The following ATN1 variants were observed in gnomAD, a reference collection of about 807,000 sequenced individuals.
ATN1 encodes the protein atrophin 1.
Under a neutral mutation model 85.8 loss-of-function variants are expected in ATN1, and 19 were observed. That is an observed-to-expected ratio of 0.22 (90% CI 0.15 to 0.32). ATN1 has a LOEUF of 0.32. Ranked by LOEUF, ATN1 falls within the 10% of genes least tolerant of loss-of-function variation. The pLI is 1.00. For missense variants in ATN1, 1,453 were observed against 1,564.5 expected, an observed-to-expected ratio of 0.93 and a Z score of 1.20; for synonymous variants, 674 against 657.0, an observed-to-expected ratio of 1.03 and a Z score of -0.39.
Position 6,933,915 on chromosome 12 carries a change from C to G in ATN1, c.-87C>G, listed in dbSNP as rs1195184893. The G allele has an allele frequency of 6.6e-7, 1 of 1,520,832 alleles. No homozygotes were observed. The highest frequency in any genetic ancestry group is 9.0e-7 in the Non-Finnish European group (1 of 1,116,938). The allele number at this position is 1,520,832 out of a possible 1,614,324, so 94.2% of individuals were successfully genotyped here. A position where few individuals can be genotyped will look rare whatever the true frequency, so the allele number is the denominator to read the frequency against. On this transcript the variant is annotated 5_prime_UTR_variant, in exon 2 of 10. Coordinates refer to ENST00000396684, the MANE Select transcript of ATN1 (RefSeq NM_001940.4). Reference sequence around the variant, plus strand: ...CTTGGAGATCCTGCTTCCCAGACCACAGCTGTGGGGAACTTGGGGTGGAGC... The same window carrying G: ...CTTGGAGATCCTGCTTCCCAGACCAGAGCTGTGGGGAACTTGGGGTGGAGC...
intron 1 of ATN1, among the ~76,000 whole-genome samples, chr12:6,930,113 T>C (rs1555142928): frequency 6.6e-6 from 1 of 152,242 alleles, no homozygotes; most frequent in Non-Finnish European, 1.5e-5. Flanking sequence ...TCTGTGACCT[T>C]GGGCAAGTCA....
Position 6,941,632 on chromosome 12 carries a change from A to G in ATN1, c.3539+78A>G. On this transcript the variant is annotated intron_variant, in intron 9 of 9. Coordinates refer to ENST00000396684, the MANE Select transcript of ATN1 (RefSeq NM_001940.4). This position sits in a 1 kb window ranked among gnomAD's most constrained non-coding sequence, Gnocchi z 5.9. ...AGCTGTGGGCATGGTACGGCTGGGC[A>G]CCGTGCTCCTGGGGGAGGGAACCCC... 6.3e-7 allele frequency: 1 copy of G among 1,598,604 alleles called. No homozygotes were observed.
At position 6,928,590 on chromosome 12, in the gene ATN1, G is replaced by A. The variant is rs985622983; in HGVS notation, c.-163+206G>A. Among the ~76,000 whole-genome samples, 6 of 152,340 alleles carry A rather than the reference G, an allele frequency of 3.9e-5. No homozygotes were observed. In the South Asian group the frequency reaches 1.2e-3, roughly 32 times the overall value. On this transcript the variant is annotated intron_variant, in intron 1 of 9. Coordinates refer to ENST00000396684, the MANE Select transcript of ATN1 (RefSeq NM_001940.4). ...CAGGGGGTGGGGCCCGCCGAGGAGA[G>A]TCGGGGGCCAGGGTTTCGGGAGGAT...
Position 6,937,568 on chromosome 12 carries a change from G to T in ATN1, c.2294+7G>T. ...ATGCCAGTCAGTCTGCCAGGTGAGC[G>T]GCCAGGTGGGGCGGAGGTGGGCCTG... is the stretch of plus-strand genomic sequence containing the variant. On this transcript the variant is annotated splice_region_variant and intron_variant, in intron 5 of 9. Coordinates refer to ENST00000396684, the MANE Select transcript of ATN1 (RefSeq NM_001940.4). This position sits in a 1 kb window ranked among gnomAD's most constrained non-coding sequence, Gnocchi z 6.0. 1.3e-6 allele frequency: 2 copies of T among 1,485,638 alleles called. No homozygotes were observed. The allele number at this position is 1,485,638 out of a possible 1,614,324, so 92.0% of individuals were successfully genotyped here.
Position 6,933,923 on chromosome 12 carries a change from G to A in ATN1, c.-79G>A, listed in dbSNP as rs782227706. ...TCCTGCTTCCCAGACCACAGCTGTG[G>A]GGAACTTGGGGTGGAGCAGAGAAGT... On this transcript the variant is annotated 5_prime_UTR_variant, in exon 2 of 10. Transcript: ENST00000396684. 4.6e-6 allele frequency: 7 copies of A among 1,538,404 alleles called. No individual in the cohort carries two copies. The highest frequency in any genetic ancestry group is 5.3e-6 in the Non-Finnish European group (6 of 1,131,690).
chr12:6,935,555 C>A lies in ATN1; in HGVS notation c.288C>A (p.Leu96=). Residue 96 remains leucine, a synonymous_variant, in exon 5 of 10, where the codon CTC becomes CTA. Coordinates refer to ENST00000396684, the MANE Select transcript of ATN1 (RefSeq NM_001940.4). This position sits in a 1 kb window ranked among gnomAD's most constrained non-coding sequence, Gnocchi z 5.3. The stretch of plus-strand genomic sequence containing the variant: ...TCTTCCCTTTTCTACAGCAGGAACT[C>A]CCTCGGCCACAGTCTCCCTCCGATC... ...APKKTKTEQE[L]PRPQSPSDLD... is the part of the protein sequence containing the mutation. 6.2e-7 allele frequency: 1 copy of A among 1,609,428 alleles called. No homozygotes were observed. Among genetic ancestry groups the A allele is most frequent in the Non-Finnish European group, 8.5e-7 (1 of 1,176,326 alleles).
Position 6,938,993 on chromosome 12 carries a change from C to T in ATN1, c.3030C>T (p.Ala1010=). The part of the protein sequence containing the change: ...RERLALAAGP[A]LRPDMSYAER... ...GTCTAGCGCTGGCAGCTGGGCCAGC[C>T]CTGCGGCCTGACATGTCCTATGCTG... The change falls in exon 7 of 10, where the codon GCC becomes GCT. Residue 1010 remains alanine, a synonymous_variant. Transcript: ENST00000396684. The T allele has an allele frequency of 6.2e-7, 1 of 1,612,838 alleles. No individual in the cohort carries two copies. The highest frequency in any genetic ancestry group is 8.5e-7 in the Non-Finnish European group (1 of 1,179,988).
At position 6,938,826 on chromosome 12, in the gene ATN1, A is replaced by G. The variant is rs1464013715; in HGVS notation, c.2863A>G (p.Ser955Gly). The change falls in exon 7 of 10, where the codon AGT (serine) becomes GGT (glycine). Residue 955 changes from serine to glycine, a missense_variant. Coordinates refer to ENST00000396684, the MANE Select transcript of ATN1 (RefSeq NM_001940.4). ...CAAGCCTGGCTTTGAGGTGAAGCCTAGTGAGCTGGAACCCCTACATGGGGT... is the reference window on the plus strand; with the variant it reads ...CAAGCCTGGCTTTGAGGTGAAGCCTGGTGAGCTGGAACCCCTACATGGGGT... ...RLKPGFEVKP[S>G]ELEPLHGVPG... 47 of 1,614,098 alleles carry G rather than the reference A, an allele frequency of 2.9e-5. No individual in the cohort carries two copies. Among genetic ancestry groups the G allele is most frequent in the Non-Finnish European group, 3.5e-5 (41 of 1,180,008 alleles).
rs782239542 is a variant in ATN1, at chr12:6,935,307, A to T, written c.280-240A>T. Among the ~76,000 whole-genome samples the T allele has an allele frequency of 1.7e-4, 26 of 152,198 alleles. No individual in the cohort carries two copies. Among genetic ancestry groups the T allele is most frequent in the African/African-American group, 6.3e-4 (26 of 41,520 alleles). On this transcript the variant is annotated intron_variant, in intron 4 of 9. Transcript: ENST00000396684. This position sits in a 1 kb window ranked among gnomAD's most constrained non-coding sequence, Gnocchi z 5.3. The stretch of plus-strand genomic sequence containing the variant: ...GGTAGAGACAAGGTGCTTGAGATGG[A>T]TCCTTGAGGAAGGAATAGGGTTTTA...
Position 6,934,155 on chromosome 12 carries a change from ACCTCCTTCCT to A in ATN1, c.28-14_28-5del. The A allele has an allele frequency of 6.2e-7, 1 of 1,613,612 alleles. No individual in the cohort carries two copies. ...TGCAATGTAAAGAACAGTGTTACCT[ACCTCCTTCCT>A]CCTCCTGTAGATGTCAATGAGGAGT... On this transcript the variant is annotated splice_polypyrimidine_tract_variant and intron_variant, in intron 2 of 9. Coordinates refer to ENST00000396684, the MANE Select transcript of ATN1 (RefSeq NM_001940.4). This position sits in a 1 kb window ranked among gnomAD's most constrained non-coding sequence, Gnocchi z 4.5.
At chr12:6,932,672 G>A (rs1019148059) in intron 1 of ATN1, among the ~76,000 whole-genome samples, 2 of 152,170 alleles carry the variant, frequency 1.3e-5, no homozygotes, top group African/African-American at 2.4e-5. Context: ...GTTTGCTCAC[G>A]GATATTTTGA....
Position 6,935,437 on chromosome 12 carries a change from T to A in ATN1, c.280-110T>A. 1 of 1,249,536 alleles carries A rather than the reference T, an allele frequency of 8.0e-7. No homozygotes were observed. The allele number at this position is 1,249,536 out of a possible 1,614,324, so 77.4% of individuals were successfully genotyped here. Reference sequence around the variant, plus strand: ...GGCTTGAGCAAGAGTACTCACCACATCACAGTACAACAGTGTGCTGTGAGG... The same window carrying A: ...GGCTTGAGCAAGAGTACTCACCACAACACAGTACAACAGTGTGCTGTGAGG... On this transcript the variant is annotated intron_variant, in intron 4 of 9. Coordinates refer to ENST00000396684, the MANE Select transcript of ATN1 (RefSeq NM_001940.4). The surrounding 1 kb of genome is among the most constrained non-coding windows in gnomAD (Gnocchi z 5.3).
Position 6,935,881 on chromosome 12 carries a change from T to C in ATN1, c.614T>C (p.Met205Thr), listed in dbSNP as rs782490677. Residue 205 changes from methionine (M) to threonine (T), a missense_variant, in exon 5 of 10, where the codon ATG becomes ACG. Transcript: ENST00000396684. This position sits in a 1 kb window ranked among gnomAD's most constrained non-coding sequence, Gnocchi z 5.3. The stretch of plus-strand genomic sequence containing the variant: ...CCCATGGAGCCCCCCACATCTCGAA[T>C]GTTCCAGGCTCCTCCTGGGGCCCCT... The part of the protein sequence containing the change: ...HAPMEPPTSR[M>T]FQAPPGAPPP... 3.1e-6 allele frequency: 5 copies of C among 1,613,728 alleles called. No homozygotes were observed. The highest frequency in any genetic ancestry group is 4.2e-6 in the Non-Finnish European group (5 of 1,179,776).
Position 6,941,734 on chromosome 12 carries a change from G to A in ATN1, c.3540-13G>A, listed in dbSNP as rs1555144699. On this transcript the variant is annotated splice_polypyrimidine_tract_variant and intron_variant, in intron 9 of 9. Transcript: ENST00000396684. This position sits in a 1 kb window ranked among gnomAD's most constrained non-coding sequence, Gnocchi z 5.9. The stretch of plus-strand genomic sequence containing the variant: ...GTCTCTTACCTCTCTGCTATGCACT[G>A]CCCCTTCCCTAGTCACCTGAAGAAG... 1 of 1,613,678 alleles carries A rather than the reference G, an allele frequency of 6.2e-7. No homozygotes were observed. The highest frequency in any genetic ancestry group is 1.1e-5 in the South Asian group (1 of 91,078).
At position 6,936,209 on chromosome 12, in the gene ATN1, A is replaced by G. The variant is rs1555143610; in HGVS notation, c.942A>G (p.Ser314=). 1 of 1,593,952 alleles carries G rather than the reference A, an allele frequency of 6.3e-7. No individual in the cohort carries two copies. Among genetic ancestry groups the G allele is most frequent in the Non-Finnish European group, 8.6e-7 (1 of 1,169,512 alleles). Residue 314 remains serine (S), a synonymous_variant, in exon 5 of 10, where the codon TCA becomes TCG. Coordinates refer to ENST00000396684, the MANE Select transcript of ATN1 (RefSeq NM_001940.4). The part of the protein sequence containing the change: ...PPALRPLNNA[S]ASPPGLGAQP... ...CCCTGAGACCCCTCAACAATGCATCAGCCTCTCCCCCTGGCCTGGGGGCCC... is the reference window on the plus strand; with the variant it reads ...CCCTGAGACCCCTCAACAATGCATCGGCCTCTCCCCCTGGCCTGGGGGCCC...
intron 6 of ATN1, 93 bp downstream of exon 6, chr12:6,938,160 G>C (rs1555144181): frequency 2.1e-6 from 3 of 1,444,792 alleles, no homozygotes; most frequent in Non-Finnish European, 1.8e-6. Flanking sequence ...GCGGGGCTGT[G>C]GCTGGGTGGG....
Position 6,941,262 on chromosome 12 carries a change from A to T in ATN1, c.3359-112A>T. ...GGCAACTTACAGAACTGGGTGTGTTACCTCACTTTTTAGTTCATTACCTTT... is the reference window on the plus strand; with the variant it reads ...GGCAACTTACAGAACTGGGTGTGTTTCCTCACTTTTTAGTTCATTACCTTT... On this transcript the variant is annotated intron_variant, in intron 8 of 9. Coordinates refer to ENST00000396684, the MANE Select transcript of ATN1 (RefSeq NM_001940.4). This position sits in a 1 kb window ranked among gnomAD's most constrained non-coding sequence, Gnocchi z 5.9. The T allele has an allele frequency of 2.2e-6, 3 of 1,363,358 alleles. No individual in the cohort carries two copies. The highest frequency in any genetic ancestry group is 3.0e-6 in the Non-Finnish European group (3 of 1,000,384). The allele number at this position is 1,363,358 out of a possible 1,614,324, so 84.5% of individuals were successfully genotyped here.
In ATN1 at chr12:6,934,599, T is replaced by TCCTGACCCATCTTGTGA. The variant is rs1360461256; in HGVS notation, c.279+24_279+40dup. The TCCTGACCCATCTTGTGA allele has an allele frequency of 3.3e-6, 5 of 1,501,152 alleles. No homozygotes were observed. The highest frequency in any genetic ancestry group is 4.5e-6 in the Non-Finnish European group (5 of 1,100,772). 93.0% of individuals were successfully genotyped at this position (1,501,152 alleles called of 1,614,324 possible). A position where few individuals can be genotyped will look rare whatever the true frequency, so the allele number is the denominator to read the frequency against. ...CTGAGGTGGGAAACCCTTGTCGCCA[T>TCCTGACCCATCTTGTGA]CCTGACCCATCTTGTGACCATTCTT... On this transcript the variant is annotated intron_variant, in intron 4 of 9. Transcript: ENST00000396684. The surrounding 1 kb of genome is among the most constrained non-coding windows in gnomAD (Gnocchi z 4.5).
rs1334492661 is a variant in ATN1 at position 6,941,955 on chromosome 12, C to T, written c.*175C>T. On this transcript the variant is annotated 3_prime_UTR_variant, in exon 10 of 10. Transcript: ENST00000396684. This position sits in a 1 kb window ranked among gnomAD's most constrained non-coding sequence, Gnocchi z 5.9. Reference sequence around the variant, plus strand: ...GAGGGACAGACAGAAGGCCAAGGCCCGATGTGGTGTGCAGAGGTGGGGAGG... The same window carrying T: ...GAGGGACAGACAGAAGGCCAAGGCCTGATGTGGTGTGCAGAGGTGGGGAGG... The T allele has an allele frequency of 3.8e-5, 25 of 663,892 alleles. No homozygotes were observed. The highest frequency in any genetic ancestry group is 7.3e-5 in the African/African-American group (4 of 55,102). The allele number at this position is 663,892 out of a possible 1,614,324, so 41.1% of individuals were successfully genotyped here.
Sources: gnomAD v4.1 joint callset for allele counts (sites outside exome capture counted in the v4.1 genomes callset) on GRCh38, gnomAD v4.1.1 for gene constraint, Gnocchi (gnomAD v3.1) non-coding constraint, MANE v1.5 for transcripts, NCBI Gene and HGNC (gene_info 2026-07-23, HGNC 2026-07-21) for gene names.